CCSER2: variants seen among roughly 807,000 people sequenced by gnomAD.
CCSER2 encodes the protein coiled-coil serine rich protein 2.
Under a neutral mutation model 92.3 loss-of-function variants are expected in CCSER2, and 46 were observed. That is an observed-to-expected ratio of 0.50 (90% CI 0.39 to 0.64). The LOEUF is 0.64. Ranked by LOEUF, CCSER2 falls within the 30% of genes least tolerant of loss-of-function variation. The pLI, the probability that CCSER2 is intolerant of heterozygous loss-of-function variation, is 0.00. For synonymous variants in CCSER2, 433 were observed against 431.4 expected, an observed-to-expected ratio of 1.00 and a Z score of -0.04; for missense variants, 1,244 against 1,238.9, an observed-to-expected ratio of 1.00 and a Z score of -0.06.
chr10:84,467,104 T>C (rs1030594153), intron 7 of CCSER2, among the ~76,000 whole-genome samples: 4 of 152,212 alleles, frequency 2.6e-5, no homozygotes, highest in African/African-American at 9.7e-5. Context: ...TTCCAGTTAG[T>C]GTGAAAACTT....
At chr10:84,500,049 T>C in intron 9 of CCSER2, 2 of 1,580,674 alleles carry the variant, frequency 1.3e-6, no homozygotes, top group Non-Finnish European at 1.7e-6. Context: ...CAGCACCTCC[T>C]TTTCTATCCT....
intron 2 of CCSER2, among the ~76,000 whole-genome samples, chr10:84,372,820 G>A (rs111758806): frequency 4.2e-4 from 64 of 152,204 alleles, no homozygotes; most frequent in African/African-American, 1.4e-3. Context: ...TCTTAGGATA[G>A]CATTTCATTG....
Position 84,372,261 on chromosome 10 carries a change from A to G in CCSER2, c.1209A>G (p.Ser403=), listed in dbSNP as rs777012675. 6.2e-7 allele frequency: 1 copy of G among 1,613,362 alleles called. No individual in the cohort carries two copies. The highest frequency in any genetic ancestry group is 1.1e-5 in the South Asian group (1 of 91,052). The change falls in exon 2 of 10, where the codon TCA becomes TCG. Residue 403 remains serine (S), a synonymous_variant. Coordinates refer to ENST00000372088, the MANE Select transcript of CCSER2 (RefSeq NM_001284240.2). ...DVDDISLSSL[S]SSDKNDLSED... is the part of the protein sequence containing the mutation. ...ATGACATTTCCTTGTCGTCTTTGTCATCTTCTGATAAGAATGATTTAAGTG... is the reference window on the plus strand; with the variant it reads ...ATGACATTTCCTTGTCGTCTTTGTCGTCTTCTGATAAGAATGATTTAAGTG...
intron 3 of CCSER2, among the ~76,000 whole-genome samples, chr10:84,397,409 G>T (rs1841902759): frequency 1.3e-5 from 2 of 152,124 alleles, no homozygotes; most frequent in Admixed American, 6.5e-5. Flanking sequence ...GGTTAAATGG[G>T]CACTGATGGA....
chr10:84,479,991 A>G (rs1847365809), intron 9 of CCSER2, among the ~76,000 whole-genome samples: 1 of 152,184 alleles, frequency 6.6e-6, no homozygotes, highest in South Asian at 2.1e-4. Flanking sequence ...ACTGCATGGT[A>G]GAAGACTTAG....
At chr10:84,465,515 G>A (rs1846365643) in intron 7 of CCSER2, among the ~76,000 whole-genome samples, 1 of 151,332 alleles carries the variant, frequency 6.6e-6, no homozygotes, top group African/African-American at 2.4e-5. Context: ...TAGTAGAGAT[G>A]GGGTTTCACC....
At chr10:84,455,231 C>A in intron 6 of CCSER2, 1 of 184,640 alleles carries the variant, frequency 5.4e-6, no homozygotes, top group South Asian at 1.3e-4. Context: ...GGTAATCCCT[C>A]CCACCTTGTG....
At chr10:84,386,381 G>A (rs1371584138) in intron 3 of CCSER2, among the ~76,000 whole-genome samples, 2 of 152,298 alleles carry the variant, frequency 1.3e-5, no homozygotes, top group Middle Eastern at 3.4e-3. Context: ...TAAAGAAAAT[G>A]TGGTGTATAT....
rs186554066 is a variant in CCSER2 at position 84,378,815 on chromosome 10, C to T, written c.1614+5000C>T. On this transcript the variant is annotated intron_variant, in intron 3 of 9. Transcript: ENST00000372088. ...CTTGAACTCCTGGGCTGAAGTAATC[C>T]TCCTCCCACAGTCTCCCAAGTAGCT... Among the ~76,000 whole-genome samples the T allele has an allele frequency of 3.3e-5, 5 of 152,258 alleles. No individual in the cohort carries two copies. In the East Asian group the frequency reaches 5.8e-4, roughly 18 times the overall value.
At chr10:84,395,943 T>C (rs954334081) in intron 3 of CCSER2, among the ~76,000 whole-genome samples, 4 of 152,164 alleles carry the variant, frequency 2.6e-5, no homozygotes, top group African/African-American at 9.7e-5. Flanking sequence ...GAGGTGTAAT[T>C]ACTTTTAGTT....
At chr10:84,342,375 C>T (rs931128593) in intron 1 of CCSER2, among the ~76,000 whole-genome samples, 7 of 152,180 alleles carry the variant, frequency 4.6e-5, no homozygotes, top group Admixed American at 6.5e-5. Context: ...CAATCTCTTT[C>T]GGGTCCTCAT....
chr10:84,421,892 T>C (rs1255256419), intron 4 of CCSER2, among the ~76,000 whole-genome samples: 2 of 152,112 alleles, frequency 1.3e-5, no homozygotes, highest in African/African-American at 4.8e-5. Flanking sequence ...GGACAAAAGG[T>C]TATGATCTAA....
intron 9 of CCSER2, among the ~76,000 whole-genome samples, chr10:84,492,587 A>G (rs7919440): frequency 0.57 from 86,281 of 152,124 alleles, 27,172 homozygotes; most frequent in East Asian, 0.75. Flanking sequence ...ACCTTTGGGT[A>G]GATGTTAGCT....
chr10:84,487,086 C>G (rs1468211610), intron 9 of CCSER2, among the ~76,000 whole-genome samples: 1 of 152,162 alleles, frequency 6.6e-6, no homozygotes, highest in African/African-American at 2.4e-5. Flanking sequence ...GGGCTCTGTT[C>G]TGTTCCATTG....
intron 4 of CCSER2, among the ~76,000 whole-genome samples, chr10:84,421,079 A>G (rs1843126032): frequency 6.6e-6 from 1 of 152,178 alleles, no homozygotes; most frequent in Admixed American, 6.5e-5. Context: ...CTGTGACCTC[A>G]TTATGAATGA....
At chr10:84,339,497 C>T (rs539982535) in intron 1 of CCSER2, among the ~76,000 whole-genome samples, 21 of 150,158 alleles carry the variant, frequency 1.4e-4, no homozygotes, top group Non-Finnish European at 2.5e-4. Flanking sequence ...TTTTTTGAGA[C>T]GGAGTTTTAC....
At chr10:84,486,815 G>T (rs1847836266) in intron 9 of CCSER2, among the ~76,000 whole-genome samples, 1 of 152,178 alleles carries the variant, frequency 6.6e-6, no homozygotes, top group Non-Finnish European at 1.5e-5. Flanking sequence ...TGAAGTCCTT[G>T]CCCATGCCTA....
intron 8 of CCSER2, among the ~76,000 whole-genome samples, chr10:84,476,003 G>A (rs533492636): frequency 9.4e-4 from 143 of 152,048 alleles, no homozygotes; most frequent in African/African-American, 3.3e-3. Context: ...GGCTGTTTTT[G>A]TTGTGTGTTT....
chr10:84,386,344 T>C (rs1222360935), intron 3 of CCSER2, among the ~76,000 whole-genome samples: 2 of 152,226 alleles, frequency 1.3e-5, no homozygotes, highest in Non-Finnish European at 2.9e-5. Context: ...TGGAATCAAC[T>C]TAAGTGTCCA....
Sources: gnomAD v4.1 joint callset for allele counts (sites outside exome capture counted in the v4.1 genomes callset) on GRCh38, gnomAD v4.1.1 for gene constraint, MANE v1.5 for transcripts, NCBI Gene and HGNC (gene_info 2026-07-23, HGNC 2026-07-21) for gene names.